Variants in DSE observed in about 807,000 individuals in gnomAD.
DSE encodes dermatan sulfate epimerase, also known as dermatan-sulfate epimerase.
In DSE, 36 loss-of-function variants were observed where a neutral mutation model predicts 84.4. The ratio of observed to expected loss-of-function variants is 0.43; its 90% CI spans 0.33 to 0.56. The LOEUF (loss-of-function observed/expected upper bound fraction) is 0.56, where lower values mean the gene tolerates loss of function less well. Ranked by LOEUF, DSE falls within the 20% of genes least tolerant of loss-of-function variation. The probability of loss-of-function intolerance (pLI) is 0.06; values close to 1 mark genes in which losing one functional copy is unlikely to be tolerated. For synonymous variants in DSE, 410 were observed against 430.1 expected (o/e 0.95, Z 0.58); for missense variants, 862 against 1,169.6 (o/e 0.74, Z 3.84).
Position 116,351,579 on chromosome 6 carries a change from T to C in DSE, c.-53-47619T>C, listed in dbSNP as rs567058423. On this transcript the variant is annotated intron_variant, in intron 2 of 3. Transcript: ENST00000430252. ...TTTGTTATTTATTAATAACTATTATTTTTACCTCATTATAAAATAGCTACA... is the reference window on the plus strand; with the variant it reads ...TTTGTTATTTATTAATAACTATTATCTTTACCTCATTATAAAATAGCTACA... 5.0e-4 allele frequency among the ~76,000 whole-genome samples: 76 copies of C among 152,270 alleles called. 1 individual carries two copies. The highest frequency in any genetic ancestry group is 6.8e-3 in the Middle Eastern group (2 of 294).
chr6:116,277,908 CAAAAAAAAAAAAA>C (rs57691187), intron 2 of DSE: 10 of 57,336 alleles, frequency 1.7e-4, no homozygotes, highest in East Asian at 4.6e-4. Flanking sequence ...TCCTCCGTCT[CAAAAAAAAAAAAA>C]AAAAAAAAAA....
At chr6:116,309,155 T>C (rs80088901) in intron 2 of DSE, among the ~76,000 whole-genome samples, 1 of 152,192 alleles carries the variant, frequency 6.6e-6, no homozygotes, top group Non-Finnish European at 1.5e-5. Flanking sequence ...TAAAGAAAAT[T>C]AGAATCATCT....
chr6:116,307,752 T>C (rs6568930), intron 2 of DSE, among the ~76,000 whole-genome samples: 6,928 of 152,282 alleles, frequency 0.045, 271 homozygotes, highest in African/African-American at 0.1. Context: ...AACAAAACAC[T>C]GTGCAGCCCA....
chr6:116,342,112 C>A (rs1777631762), intron 2 of DSE, among the ~76,000 whole-genome samples: 1 of 152,062 alleles, frequency 6.6e-6, no homozygotes, highest in African/African-American at 2.4e-5. Context: ...TTGGGGACAA[C>A]CAGAGACTAT....
intron 1 of DSE, among the ~76,000 whole-genome samples, chr6:116,398,539 A>G (rs1336741944): frequency 2.6e-5 from 4 of 152,194 alleles, no homozygotes; most frequent in African/African-American, 7.2e-5. Context: ...TCCCAGTGGC[A>G]CTGTGTTTGG....
intron 1 of DSE, chr6:116,256,493 A>T (rs1296538224): frequency 1.3e-5 from 2 of 152,230 alleles, no homozygotes. Context: ...CCACACTTGT[A>T]TATGCAGTTC....
intron 1 of DSE, among the ~76,000 whole-genome samples, chr6:116,383,999 T>C (rs1780421349): frequency 6.6e-6 from 1 of 152,246 alleles, no homozygotes; most frequent in Admixed American, 6.5e-5. Flanking sequence ...GAGTATTCTT[T>C]TGAATTCTCT....
At chr6:116,271,705 T>C (rs974409428) in intron 2 of DSE, among the ~76,000 whole-genome samples, 1 of 152,156 alleles carries the variant, frequency 6.6e-6, no homozygotes, top group Non-Finnish European at 1.5e-5. Flanking sequence ...CAGTAAGAAC[T>C]CACAAATAAG....
At chr6:116,296,591 G>A (rs1026517654) in intron 2 of DSE, among the ~76,000 whole-genome samples, 1 of 152,210 alleles carries the variant, frequency 6.6e-6, no homozygotes, top group Non-Finnish European at 1.5e-5. Context: ...GTGAGAAGGT[G>A]TCAGATGTAA....
At chr6:116,314,699 T>A (rs1562223934) in intron 2 of DSE, among the ~76,000 whole-genome samples, 1 of 152,226 alleles carries the variant, frequency 6.6e-6, no homozygotes, top group Non-Finnish European at 1.5e-5. Flanking sequence ...TTAAATTATG[T>A]CAAAGATTTA....
At chr6:116,332,256 A>G (rs9488905) in intron 2 of DSE, among the ~76,000 whole-genome samples, 3,414 of 152,320 alleles carry the variant, frequency 0.022, 130 homozygotes, top group African/African-American at 0.077. Context: ...TAAAAAAGAC[A>G]AATCAATGAA....
Position 116,438,499 on chromosome 6 carries a change from C to A in DSE, c.*1154C>A, listed in dbSNP as rs1232880021. 2.0e-5 allele frequency: 3 copies of A among 151,998 alleles called. No individual in the cohort carries two copies. Among genetic ancestry groups the A allele is most frequent in the Non-Finnish European group, 2.9e-5 (2 of 67,952 alleles). The allele number at this position is 151,998 out of a possible 1,614,324, so 9.4% of individuals were successfully genotyped here. Reference sequence around the variant, plus strand: ...AGCCAATTCTGATATTTAAGTAGCACCCAACTTTTAAAAGCATAAAATTTT... The same window carrying A: ...AGCCAATTCTGATATTTAAGTAGCAACCAACTTTTAAAAGCATAAAATTTT... On this transcript the variant is annotated 3_prime_UTR_variant, in exon 6 of 6. Coordinates refer to ENST00000644252, the MANE Select transcript of DSE (RefSeq NM_013352.4).
chr6:116,278,591 C>T (rs778304109), intron 2 of DSE: 1 of 1,614,188 alleles, frequency 6.2e-7, no homozygotes, highest in South Asian at 1.1e-5. Context: ...GCTCTACGGA[C>T]TCCTTCACGC....
At chr6:116,403,565 T>C (rs1781733157) in intron 2 of DSE, among the ~76,000 whole-genome samples, 1 of 152,270 alleles carries the variant, frequency 6.6e-6, no homozygotes, top group African/African-American at 2.4e-5. Context: ...GGGGAAAGAC[T>C]GGAGACATTG....
chr6:116,258,728 A>G (rs769261765), exon 2 of DSE: 101 of 1,608,150 alleles, frequency 6.3e-5, no homozygotes, highest in Non-Finnish European at 8.4e-5. Context: ...GTCCCGGCGC[A>G]CCCAATGCGT....
chr6:116,374,296 C>A (rs1420126882), intron 1 of DSE, among the ~76,000 whole-genome samples: 1 of 152,180 alleles, frequency 6.6e-6, no homozygotes, highest in African/African-American at 2.4e-5. Context: ...ACTGCCCCTT[C>A]CCCAAATAAA....
intron 2 of DSE, among the ~76,000 whole-genome samples, chr6:116,296,154 A>G (rs1282002338): frequency 1.3e-5 from 2 of 152,156 alleles, no homozygotes; most frequent in African/African-American, 4.8e-5. Context: ...GAAGTCCTTG[A>G]TAGAAAATGA....
At chr6:116,384,497 G>T (rs979106118) in intron 1 of DSE, among the ~76,000 whole-genome samples, 2 of 152,142 alleles carry the variant, frequency 1.3e-5, no homozygotes, top group Admixed American at 1.3e-4. Flanking sequence ...TTGTGCCTTG[G>T]GGGAGGCTGG....
rs78561536 is a variant in DSE at position 116,386,977 on chromosome 6, C to T, written c.-53-12221C>T. On this transcript the variant is annotated intron_variant, in intron 1 of 5. Coordinates refer to ENST00000644252, the MANE Select transcript of DSE (RefSeq NM_013352.4). ...CTAGAAGATATGATATAAGGACATA[C>T]CAAAAATACACATAATGTCAAGAAC... 7.8e-3 allele frequency among the ~76,000 whole-genome samples: 1,185 copies of T among 152,228 alleles called. 12 individuals are homozygous for T. Among genetic ancestry groups the T allele is most frequent in the Non-Finnish European group, 0.012 (835 of 68,034 alleles).
Sources: allele counts gnomAD v4.1 joint callset (sites outside exome capture counted in the v4.1 genomes callset), GRCh38; gene constraint gnomAD v4.1.1; transcripts MANE v1.5; gene names NCBI Gene and HGNC (gene_info 2026-07-23, HGNC 2026-07-21).